Variants in PTTG1 observed in about 807,000 individuals in gnomAD.
PTTG1 encodes the protein securin.
Under a neutral mutation model 20.0 loss-of-function variants are expected in PTTG1, and 8 were observed. The ratio of observed to expected loss-of-function variants is 0.40; its 90% CI spans 0.23 to 0.72. The LOEUF is 0.72. Ranked by LOEUF, PTTG1 falls within the 30% of genes least tolerant of loss-of-function variation. PTTG1 has a pLI of 0.38. For synonymous variants in PTTG1, 79 were observed against 87.2 expected, an observed-to-expected ratio of 0.91 and a Z score of 0.52; for missense variants, 197 against 236.0, an observed-to-expected ratio of 0.83 and a Z score of 1.08.
At chr5:160,421,973 TG>T (rs1765717857) in intron 1 of PTTG1, 82 bp downstream of exon 1, 1 of 207,162 alleles carries the variant, frequency 4.8e-6, no homozygotes. Context: ...CGGCTGGGGC[TG>T]AAGCTGGGGC....
chr5:160,426,864 G>A (rs1561572772), intron 4 of PTTG1, among the ~76,000 whole-genome samples: 1 of 152,166 alleles, frequency 6.6e-6, no homozygotes, highest in Non-Finnish European at 1.5e-5. Context: ...CCAACATGGT[G>A]AAACCCCGTC....
At chr5:160,423,569 A>C (rs976905350) in intron 3 of PTTG1, among the ~76,000 whole-genome samples, 1 of 152,254 alleles carries the variant, frequency 6.6e-6, no homozygotes, top group Non-Finnish European at 1.5e-5. Context: ...TTAAAGAAAA[A>C]TATTAAATAC....
chr5:160,428,394 G>T (rs1433964992), intron 5 of PTTG1, among the ~76,000 whole-genome samples: 1 of 152,236 alleles, frequency 6.6e-6, no homozygotes, highest in Non-Finnish European at 1.5e-5. Context: ...GAACAATAGA[G>T]ATTCAGATAC....
intron 2 of PTTG1, 70 bp downstream of exon 2, chr5:160,422,473 A>ACT: frequency 7.1e-7 from 1 of 1,398,978 alleles, no homozygotes; most frequent in Non-Finnish European, 1.0e-6. Flanking sequence ...CGAGACATTT[A>ACT]GTGTACTTTT....
intron 5 of PTTG1, among the ~76,000 whole-genome samples, chr5:160,428,126 T>C (rs1213617698): frequency 6.6e-6 from 1 of 152,244 alleles, no homozygotes; most frequent in Non-Finnish European, 1.5e-5. Flanking sequence ...CACTTACATC[T>C]TCTTAGGCTA....
chr5:160,427,901 G>A (rs748509694), intron 5 of PTTG1, 28 bp downstream of exon 5: 8 of 1,613,598 alleles, frequency 5.0e-6, no homozygotes, highest in Non-Finnish European at 6.8e-6. Flanking sequence ...CTTCTGGAAG[G>A]GCTGCAAACA....
chr5:160,422,875 A>C lies in PTTG1; in HGVS notation c.258A>C (p.Pro86=), dbSNP rs185928602. 151 of 1,614,184 alleles carry C rather than the reference A, an allele frequency of 9.4e-5. No individual in the cohort carries two copies. The African/African-American group carries it at 1.8e-3, about 19-fold the overall frequency. ...AGGGACCCCTCAAACAAAAACAGCC[A>C]AGCTTTTCTGCCAAAAAGGTAAGTG... ...KTKGPLKQKQ[P]SFSAKKMTEK... The change falls in exon 3 of 6, where the codon CCA becomes CCC. Residue 86 remains proline, a synonymous_variant. Transcript: ENST00000352433.
chr5:160,427,033 C>T (rs575792230), intron 4 of PTTG1, among the ~76,000 whole-genome samples: 1 of 151,706 alleles, frequency 6.6e-6, no homozygotes, highest in East Asian at 2.0e-4. Context: ...AAGAGTGAGA[C>T]TCTGTCTCAA....
chr5:160,422,628 G>T (rs772805945), intron 2 of PTTG1, 81 bp from the exon 3 acceptor site: 1 of 1,529,780 alleles, frequency 6.5e-7, no homozygotes, highest in South Asian at 1.1e-5. Flanking sequence ...GGGGGTGAGA[G>T]GTCAAGTTTA....
At chr5:160,425,813 T>A (rs1454599248) in intron 4 of PTTG1, among the ~76,000 whole-genome samples, 2 of 152,216 alleles carry the variant, frequency 1.3e-5, no homozygotes, top group Non-Finnish European at 2.9e-5. Flanking sequence ...ACTTCTGGGT[T>A]TTACCAGGCT....
At chr5:160,423,141 A>G (rs1440965936) in intron 3 of PTTG1, 1 of 486,956 alleles carries the variant, frequency 2.1e-6, no homozygotes, top group South Asian at 2.2e-5. Flanking sequence ...GTCCTTCACT[A>G]GTGTCGTGAA....
intron 4 of PTTG1, among the ~76,000 whole-genome samples, chr5:160,426,235 T>G (rs1224982278): frequency 6.6e-6 from 1 of 152,192 alleles, no homozygotes. Context: ...ACATAAAATA[T>G]TTTTTGTTCT....
intron 1 of PTTG1, 108 bp downstream of exon 1, chr5:160,421,999 T>G (rs1765719782): frequency 4.6e-6 from 1 of 218,498 alleles, no homozygotes; most frequent in Admixed American, 5.4e-5. Context: ...GTTGGGGGAC[T>G]GCCCGGGGCT....
In PTTG1 at chr5:160,422,396, T is replaced by C. The variant is rs11543169; in HGVS notation, c.84T>C (p.Ser28=). The change falls in exon 2 of 6, where the codon TCT becomes TCC. Residue 28 remains serine (S), a synonymous_variant. Transcript: ENST00000352433. Reference sequence around the variant, plus strand: ...CTAAGGATGGGCTGAAGCTGGGGTCTGGACCTTGTAAGTATACAAGGCTGC... The same window carrying C: ...CTAAGGATGGGCTGAAGCTGGGGTCCGGACCTTGTAAGTATACAAGGCTGC... ...VVAKDGLKLG[S]GPSIKALDGR... 1 of 1,613,982 alleles carries C rather than the reference T, an allele frequency of 6.2e-7. No homozygotes were observed. Among genetic ancestry groups the C allele is most frequent in the Non-Finnish European group, 8.5e-7 (1 of 1,179,796 alleles).
At chr5:160,427,603 T>A (rs73316393) in intron 4 of PTTG1, 112 bp from the exon 5 acceptor site, 38,834 of 1,223,978 alleles carry the variant, frequency 0.032, 3,337 homozygotes, top group African/African-American at 0.23. Context: ...GAATATTGTC[T>A]TGAAAATAGT....
rs944200801 is a variant in PTTG1 at position 160,422,901 on chromosome 5, T to C, written c.276+8T>C. 9 of 1,613,946 alleles carry C rather than the reference T, an allele frequency of 5.6e-6. No homozygotes were observed. Among genetic ancestry groups the C allele is most frequent in the Non-Finnish European group, 7.6e-6 (9 of 1,179,852 alleles). The stretch of plus-strand genomic sequence containing the variant: ...AGCTTTTCTGCCAAAAAGGTAAGTG[T>C]TGGCTATAAAGACACTGTTTAAACA... On this transcript the variant is annotated splice_region_variant and intron_variant, in intron 3 of 5. Coordinates refer to ENST00000352433, the MANE Select transcript of PTTG1 (RefSeq NM_004219.4).
At chr5:160,426,990 G>A (rs545669339) in intron 4 of PTTG1, among the ~76,000 whole-genome samples, 33 of 152,270 alleles carry the variant, frequency 2.2e-4, no homozygotes, top group African/African-American at 7.5e-4. Flanking sequence ...TGCAGTGAAC[G>A]GAGATTGTGC....
In PTTG1 at chr5:160,422,507, T is replaced by C. The variant is rs1765733729; in HGVS notation, c.91+104T>C. 2.9e-6 allele frequency: 3 copies of C among 1,046,034 alleles called. No individual in the cohort carries two copies. In the Admixed American group the frequency reaches 6.0e-5, roughly 21 times the overall value. The allele number at this position is 1,046,034 out of a possible 1,614,324, so 64.8% of individuals were successfully genotyped here. A position where few individuals can be genotyped will look rare whatever the true frequency, so the allele number is the denominator to read the frequency against. On this transcript the variant is annotated intron_variant, in intron 2 of 5. Coordinates refer to ENST00000352433, the MANE Select transcript of PTTG1 (RefSeq NM_004219.4). The stretch of plus-strand genomic sequence containing the variant: ...TTTGGGCAATTGGAGTCGTTTGTTA[T>C]TGGTCCTTTTTCATTTTTAATATCT...
intron 4 of PTTG1, among the ~76,000 whole-genome samples, chr5:160,425,883 A>T (rs1765800075): frequency 6.6e-6 from 1 of 152,234 alleles, no homozygotes; most frequent in African/African-American, 2.4e-5. Context: ...ACACCTACGG[A>T]CAAAGATAAG....
Sources: allele counts gnomAD v4.1 joint callset (sites outside exome capture counted in the v4.1 genomes callset), GRCh38; gene constraint gnomAD v4.1.1; transcripts MANE v1.5; gene names NCBI Gene and HGNC (gene_info 2026-07-23, HGNC 2026-07-21).